Variants in ZMYND8 observed in about 807,000 individuals in gnomAD.
ZMYND8 encodes MYND-type zinc finger-containing chromatin reader ZMYND8.
In ZMYND8, 37 loss-of-function variants were observed where a neutral mutation model predicts 140.8. The ratio of observed to expected loss-of-function variants is 0.26; its 90% confidence interval spans 0.20 to 0.35. The LOEUF (loss-of-function observed/expected upper bound fraction) is 0.35, where lower values mean the gene tolerates loss of function less well. Ranked by LOEUF, ZMYND8 falls within the 10% of genes least tolerant of loss-of-function variation. ZMYND8 has a pLI of 1.00. For missense variants in ZMYND8, 1,068 were observed against 1,570.0 expected, an observed-to-expected ratio of 0.68 and a Z score of 5.40; for synonymous variants, 592 against 597.1, an observed-to-expected ratio of 0.99 and a Z score of 0.12.
intron 8 of ZMYND8, chr20:47,285,957 G>C (rs1210460001): frequency 2.0e-6 from 1 of 509,964 alleles, no homozygotes; most frequent in Non-Finnish European, 2.5e-6. Context: ...TTTGGAGGCT[G>C]AGGCAGAAGG....
At chr20:47,212,815 G>A (rs2146767519) in intron 21 of ZMYND8, 90 bp from the exon 22 acceptor site, 1 of 1,214,942 alleles carries the variant, frequency 8.2e-7, no homozygotes, top group East Asian at 2.4e-5. Flanking sequence ...TTCATCAACA[G>A]GCTACTGTTA....
At chr20:47,244,185 G>T (rs1378067059) in intron 14 of ZMYND8, among the ~76,000 whole-genome samples, 4 of 152,170 alleles carry the variant, frequency 2.6e-5, no homozygotes, top group African/African-American at 9.7e-5. Flanking sequence ...AACCCCAAAG[G>T]ACATGGAGTT....
intron 14 of ZMYND8, among the ~76,000 whole-genome samples, chr20:47,240,550 TGA>T (rs1231983168): frequency 6.6e-6 from 1 of 151,700 alleles, no homozygotes; most frequent in African/African-American, 2.4e-5. Flanking sequence ...GTAAATAAAA[TGA>T]GTTTATTTTA....
chr20:47,295,768 C>T (rs757933438), intron 4 of ZMYND8, among the ~76,000 whole-genome samples: 2 of 152,166 alleles, frequency 1.3e-5, no homozygotes, highest in Non-Finnish European at 2.9e-5. Context: ...CCCAAAGGAA[C>T]GTCTGAAACC....
At position 47,265,797 on chromosome 20, in the gene ZMYND8, A is replaced by G. The variant is rs547715565; in HGVS notation, c.1481-3369T>C. Among the ~76,000 whole-genome samples the G allele has an allele frequency of 2.6e-5, 4 of 152,336 alleles. No homozygotes were observed. The East Asian group carries it at 7.7e-4, about 29-fold the overall frequency. On this transcript the variant is annotated intron_variant, in intron 11 of 22. Transcript: ENST00000471951. Reference sequence around the variant, plus strand: ...GTGTGCTAAAAAATTAATAACTAGAACAGGCCTTTAATTTGATAGATCTAT... The same window carrying G: ...GTGTGCTAAAAAATTAATAACTAGAGCAGGCCTTTAATTTGATAGATCTAT...
intron 2 of ZMYND8, among the ~76,000 whole-genome samples, chr20:47,341,270 T>C (rs1276594374): frequency 6.6e-6 from 1 of 152,166 alleles, no homozygotes; most frequent in African/African-American, 2.4e-5. Context: ...CTCACACCTA[T>C]AATCCCAGCA....
chr20:47,258,328 G>T (rs1246727460), intron 12 of ZMYND8, among the ~76,000 whole-genome samples: 1 of 152,202 alleles, frequency 6.6e-6, no homozygotes. Context: ...TAGGTAACTT[G>T]CTTCTCTGTG....
At chr20:47,289,139 T>A (rs947751555) in intron 7 of ZMYND8, among the ~76,000 whole-genome samples, 13 of 152,114 alleles carry the variant, frequency 8.5e-5, no homozygotes, top group Non-Finnish European at 1.8e-4. Context: ...ATTTTTGCAA[T>A]GAACAAAATA....
At chr20:47,277,154 CA>C (rs2076305480) in intron 10 of ZMYND8, among the ~76,000 whole-genome samples, 1 of 152,210 alleles carries the variant, frequency 6.6e-6, no homozygotes, top group South Asian at 2.1e-4. Flanking sequence ...AGGTTACACT[CA>C]GACATAAAAA....
chr20:47,313,527 C>T (rs953297471), intron 2 of ZMYND8, among the ~76,000 whole-genome samples: 1 of 152,006 alleles, frequency 6.6e-6, no homozygotes, highest in Non-Finnish European at 1.5e-5. Flanking sequence ...GAGGCTGAGG[C>T]AGGAGAATGG....
At chr20:47,260,221 A>G (rs926113698) in intron 12 of ZMYND8, among the ~76,000 whole-genome samples, 20 of 152,210 alleles carry the variant, frequency 1.3e-4, no homozygotes, top group African/African-American at 4.8e-4. Flanking sequence ...AAACATTGCC[A>G]GTGGGTGGGG....
intron 16 of ZMYND8, among the ~76,000 whole-genome samples, chr20:47,232,542 T>G (rs1461981385): frequency 6.6e-6 from 1 of 151,918 alleles, no homozygotes; most frequent in Non-Finnish European, 1.5e-5. Flanking sequence ...AAAAATTTCT[T>G]TTAGTAATTT....
At chr20:47,222,617 A>G (rs2037147389) in intron 19 of ZMYND8, among the ~76,000 whole-genome samples, 1 of 152,226 alleles carries the variant, frequency 6.6e-6, no homozygotes, top group African/African-American at 2.4e-5. Context: ...AAAAAAGGAA[A>G]GCCGAAGGAC....
intron 2 of ZMYND8, chr20:47,318,467 A>G (rs946161751): frequency 1.2e-5 from 4 of 347,342 alleles, no homozygotes; most frequent in African/African-American, 8.6e-5. Flanking sequence ...ATTACATCAT[A>G]AAGAGACAAA....
chr20:47,259,280 G>A lies in ZMYND8; in HGVS notation c.1621+3008C>T, dbSNP rs534028060. Among the ~76,000 whole-genome samples the A allele has an allele frequency of 1.4e-4, 21 of 152,298 alleles. No individual in the cohort carries two copies. The South Asian group carries it at 3.1e-3, about 23-fold the overall frequency. ...ACAATGAATGTTCCCAAGGAAGCAC[G>A]TGTGTCCCTTTTCACTCAAGTGAGG... On this transcript the variant is annotated intron_variant, in intron 12 of 22. Transcript: ENST00000471951.
chr20:47,302,889 A>T (rs1166812943), intron 3 of ZMYND8, among the ~76,000 whole-genome samples: 4 of 152,348 alleles, frequency 2.6e-5, no homozygotes, highest in Non-Finnish European at 5.9e-5. Flanking sequence ...CATCCAGGGC[A>T]CAGGCTCTCA....
At position 47,287,259 on chromosome 20, in the gene ZMYND8, C is replaced by T. The variant is rs376502713; in HGVS notation, c.774G>A (p.Ala258=). 256 of 1,613,746 alleles carry T rather than the reference C, an allele frequency of 1.6e-4. No homozygotes were observed. Among genetic ancestry groups the T allele is most frequent in the Admixed American group, 2.5e-4 (15 of 59,990 alleles). Residue 258 remains alanine, a synonymous_variant, in exon 8 of 23, where the codon GCG becomes GCA. Transcript: ENST00000471951. ...GTTCACAGATTTTGATGACTACTTT[C>T]GCTATTTGCGTCAATTTGTGATTTC... is the stretch of plus-strand genomic sequence containing the variant. The part of the protein sequence containing the change: ...NGGNHKLTQI[A]KVVIKICEHE...
chr20:47,247,816 A>G (rs966275732), intron 13 of ZMYND8, among the ~76,000 whole-genome samples: 2 of 152,216 alleles, frequency 1.3e-5, no homozygotes, highest in African/African-American at 2.4e-5. Context: ...GGGCTCAATC[A>G]AAAACACAAG....
chr20:47,311,489 G>C (rs1187175526), intron 2 of ZMYND8, among the ~76,000 whole-genome samples: 1 of 151,966 alleles, frequency 6.6e-6, no homozygotes, highest in Non-Finnish European at 1.5e-5. Flanking sequence ...CCAGTCCTCT[G>C]TTTGCAGACG....
Sources: gnomAD v4.1 joint callset for allele counts (sites outside exome capture counted in the v4.1 genomes callset) on GRCh38, gnomAD v4.1.1 for gene constraint, MANE v1.5 for transcripts, NCBI Gene and HGNC (gene_info 2026-07-23, HGNC 2026-07-21) for gene names.